Variants in AGBL1 observed in about 807,000 individuals in gnomAD.
AGBL1 encodes cytosolic carboxypeptidase 4.
AGBL1 carries 130 observed loss-of-function variants against 118.9 expected under a neutral mutation model. The observed-to-expected ratio is 1.09, with a 90% CI of 0.95 to 1.26. The LOEUF is 1.26. Among genes scored for constraint, AGBL1 ranks in the 50% most tolerant of loss-of-function variants. The pLI is 0.00. For synonymous variants in AGBL1, 555 were observed against 478.9 expected, an observed-to-expected ratio of 1.16 and a Z score of -2.08; for missense variants, 1,584 against 1,298.1, an observed-to-expected ratio of 1.22 and a Z score of -3.38.
intron 5 of AGBL1, among the ~76,000 whole-genome samples, chr15:86,206,214 C>A (rs1462750655): frequency 6.6e-6 from 1 of 152,138 alleles, no homozygotes; most frequent in Non-Finnish European, 1.5e-5. Context: ...AGTCTATCAT[C>A]ATTGGACATT....
chr15:86,806,564 C>T (rs1194235071), intron 22 of AGBL1, among the ~76,000 whole-genome samples: 1 of 152,082 alleles, frequency 6.6e-6, no homozygotes, highest in Non-Finnish European at 1.5e-5. Context: ...AATTCTGGTT[C>T]TAACACTGAC....
At chr15:86,976,718 AAATTTGTAG>A (rs2081179538) in intron 23 of AGBL1, among the ~76,000 whole-genome samples, 1 of 151,666 alleles carries the variant, frequency 6.6e-6, no homozygotes, top group Non-Finnish European at 1.5e-5. Context: ...TTGATAGACA[AAATTTGTAG>A]ATTTTTTTTT....
chr15:86,445,855 C>T lies in AGBL1; in HGVS notation c.2555+48309C>T, dbSNP rs149119471. 6.6e-5 allele frequency among the ~76,000 whole-genome samples: 10 copies of T among 152,292 alleles called. No individual in the cohort carries two copies. In the East Asian group the frequency reaches 1.9e-3, roughly 29 times the overall value. ...TGTATTAAATCATTTCTTTGTGATG[C>T]ATTGGGGCCGTGTAAAAGTCGACAG... On this transcript the variant is annotated intron_variant, in intron 18 of 22. Coordinates refer to ENST00000614907, the MANE Select transcript of AGBL1 (RefSeq NM_001386094.1).
At chr15:86,270,208 A>T in intron 14 of AGBL1, 141 bp downstream of exon 14, 1 of 1,157,742 alleles carries the variant, frequency 8.6e-7, no homozygotes, top group East Asian at 2.6e-5. Context: ...GCAGCAAGGC[A>T]GGCAGTGGCC....
intron 21 of AGBL1, among the ~76,000 whole-genome samples, chr15:86,572,229 C>T (rs1051610911): frequency 6.6e-6 from 1 of 152,266 alleles, no homozygotes; most frequent in East Asian, 1.9e-4. Context: ...CAGAGATGCC[C>T]GGGTCCTGAG....
chr15:86,978,310 T>C (rs1567269573), intron 23 of AGBL1, among the ~76,000 whole-genome samples: 1 of 152,204 alleles, frequency 6.6e-6, no homozygotes, highest in Non-Finnish European at 1.5e-5. Flanking sequence ...GTCAATGGAA[T>C]TGACCAGATA....
chr15:86,827,500 T>C (rs191723067), intron 22 of AGBL1, among the ~76,000 whole-genome samples: 4,111 of 47,654 alleles, frequency 0.086, 1,173 homozygotes, highest in African/African-American at 0.19. Context: ...TATATATATA[T>C]ATATATATAT....
intron 23 of AGBL1, among the ~76,000 whole-genome samples, chr15:86,938,445 CT>C: frequency 6.6e-6 from 1 of 152,286 alleles, no homozygotes; most frequent in Middle Eastern, 3.4e-3. Flanking sequence ...CCTCCCTGAT[CT>C]TTTGGAGAAA....
chr15:86,081,170 A>G (rs966446247), intron 1 of AGBL1, among the ~76,000 whole-genome samples: 2 of 151,992 alleles, frequency 1.3e-5, no homozygotes, highest in African/African-American at 2.4e-5. Context: ...CTGCCTCCCA[A>G]GTAGGTGGGA....
intron 22 of AGBL1, among the ~76,000 whole-genome samples, chr15:86,831,953 A>T (rs1253037532): frequency 1.3e-5 from 2 of 152,184 alleles, no homozygotes; most frequent in Non-Finnish European, 2.9e-5. Flanking sequence ...AAATCTAGGC[A>T]AATGTTGTCA....
chr15:86,927,586 T>G (rs2080558284), intron 23 of AGBL1, among the ~76,000 whole-genome samples: 1 of 152,108 alleles, frequency 6.6e-6, no homozygotes, highest in Non-Finnish European at 1.5e-5. Context: ...GACCCCATCT[T>G]TGAAATAAAT....
chr15:86,647,511 C>G (rs1422260534), intron 21 of AGBL1, among the ~76,000 whole-genome samples: 1 of 152,130 alleles, frequency 6.6e-6, no homozygotes, highest in East Asian at 1.9e-4. Flanking sequence ...AACCAGCCTG[C>G]CCAACATGGT....
chr15:86,701,746 C>A (rs1014434355), intron 22 of AGBL1, among the ~76,000 whole-genome samples: 4 of 143,800 alleles, frequency 2.8e-5, no homozygotes, highest in African/African-American at 1.0e-4. Context: ...TCTCTCCTTC[C>A]TTTCACTCCT....
intron 4 of AGBL1, among the ~76,000 whole-genome samples, chr15:86,156,593 G>A (rs551186670): frequency 1.2e-4 from 18 of 152,216 alleles, no homozygotes; most frequent in African/African-American, 3.9e-4. Flanking sequence ...ATGGGAGAAT[G>A]TTCATGGGCA....
At chr15:86,286,015 C>A (rs1034935317) in intron 16 of AGBL1, among the ~76,000 whole-genome samples, 2 of 151,950 alleles carry the variant, frequency 1.3e-5, no homozygotes, top group African/African-American at 4.8e-5. Flanking sequence ...AGTTTGATAT[C>A]AGGCACCAAA....
chr15:86,320,041 G>A (rs1319778528), intron 17 of AGBL1, among the ~76,000 whole-genome samples: 1 of 152,098 alleles, frequency 6.6e-6, no homozygotes, highest in Non-Finnish European at 1.5e-5. Flanking sequence ...GCAGGCATGA[G>A]CCACTGCACC....
chr15:86,291,213 A>T (rs1163077417), intron 16 of AGBL1, among the ~76,000 whole-genome samples: 1 of 152,192 alleles, frequency 6.6e-6, no homozygotes, highest in Non-Finnish European at 1.5e-5. Flanking sequence ...CATGAGCAAA[A>T]ACTTGGTTGG....
At chr15:86,632,266 T>C (rs111299071) in intron 21 of AGBL1, among the ~76,000 whole-genome samples, 15,028 of 132,440 alleles carry the variant, frequency 0.11, 902 homozygotes, top group East Asian at 0.14. Flanking sequence ...AGACCCTGTC[T>C]TTCTCTTTAA....
At chr15:87,024,135 G>C (rs1025655957) in intron 24 of AGBL1, among the ~76,000 whole-genome samples, 2 of 150,780 alleles carry the variant, frequency 1.3e-5, no homozygotes, top group African/African-American at 2.5e-5. Flanking sequence ...ACCAATATCA[G>C]AGCAGAACTA....
Sources: gnomAD v4.1 joint callset for allele counts (sites outside exome capture counted in the v4.1 genomes callset) on GRCh38, gnomAD v4.1.1 for gene constraint, MANE v1.5 for transcripts, NCBI Gene and HGNC (gene_info 2026-07-23, HGNC 2026-07-21) for gene names.